The following DGKB variants were observed in gnomAD, a reference collection of about 807,000 sequenced individuals.
DGKB encodes the protein diacylglycerol kinase beta.
Under a neutral mutation model 114.3 loss-of-function variants are expected in DGKB, and 67 were observed. The observed-to-expected ratio is 0.59, with a 90% CI of 0.48 to 0.72. The LOEUF (loss-of-function observed/expected upper bound fraction) is 0.72. Among genes scored for constraint, DGKB ranks in the 30% least tolerant of loss-of-function variants. The pLI, the probability that DGKB is intolerant of heterozygous loss-of-function variation, is 0.00. For synonymous variants in DGKB, 398 were observed against 323.1 expected (o/e 1.23, Z -2.49); for missense variants, 907 against 975.2 (o/e 0.93, Z 0.93).
At chr7:14,275,608 C>T (rs866047563) in intron 23 of DGKB, among the ~76,000 whole-genome samples, 1 of 152,174 alleles carries the variant, frequency 6.6e-6, no homozygotes, top group Non-Finnish European at 1.5e-5. Flanking sequence ...TCTCTGCTCG[C>T]TAGAAAGGCC....
At position 14,807,271 on chromosome 7, in the gene DGKB, G is replaced by A. The variant is rs189154663; in HGVS notation, c.70+33923C>T. Among the ~76,000 whole-genome samples, 51 of 151,834 alleles carry A rather than the reference G, an allele frequency of 3.4e-4. No homozygotes were observed. In the East Asian group the frequency reaches 6.6e-3, roughly 20 times the overall value. ...CTCTGTTTCACCTACTATATTTTAG[G>A]TTTCTTGAGAACTGAGATGATTTCT... On this transcript the variant is annotated intron_variant, in intron 2 of 25. Transcript: ENST00000402815.
At chr7:14,351,801 A>G (rs6971911) in intron 21 of DGKB, among the ~76,000 whole-genome samples, 60,476 of 152,058 alleles carry the variant, frequency 0.4, 12,302 homozygotes, top group African/African-American at 0.48. Flanking sequence ...TGAACACATT[A>G]GTGGTGGAAG....
chr7:14,938,678 A>G (rs1426781735), intron 1 of DGKB, among the ~76,000 whole-genome samples: 2 of 152,098 alleles, frequency 1.3e-5, no homozygotes, highest in Non-Finnish European at 2.9e-5. Flanking sequence ...TCCAAAGGAA[A>G]AATAGTTCGC....
Position 14,147,962 on chromosome 7 carries a change from T to A in DGKB, c.*1169A>T, listed in dbSNP as rs1301495767. 6.6e-6 allele frequency: 1 copy of A among 152,090 alleles called. No individual in the cohort carries two copies. Among genetic ancestry groups the A allele is most frequent in the Non-Finnish European group, 1.5e-5 (1 of 67,982 alleles). The allele number at this position is 152,090 out of a possible 1,614,324, so 9.4% of individuals were successfully genotyped here. On this transcript the variant is annotated 3_prime_UTR_variant, in exon 26 of 26. Coordinates refer to ENST00000402815, the MANE Select transcript of DGKB (RefSeq NM_001350709.2). ...AGTAGGTGAGGAGGAGGGAGCTAAT[T>A]GCATGCATGATTCGCTTCCAAGAGC...
Position 14,410,518 on chromosome 7 carries a change from G to T in DGKB, c.1836-65127C>A, listed in dbSNP as rs538144899. 6.6e-5 allele frequency among the ~76,000 whole-genome samples: 10 copies of T among 151,980 alleles called. No homozygotes were observed. The East Asian group carries it at 1.9e-3, about 29-fold the overall frequency. ...ATATTTCCAAGCACATTTCTTTCAA[G>T]AATTATTTAACATTTATCCATTGTT... On this transcript the variant is annotated intron_variant, in intron 21 of 25. Transcript: ENST00000402815.
At chr7:14,164,600 C>T (rs56101932) in intron 25 of DGKB, among the ~76,000 whole-genome samples, 16,584 of 152,150 alleles carry the variant, frequency 0.11, 1,793 homozygotes, top group African/African-American at 0.28. Flanking sequence ...GAAAGTTAAA[C>T]ATTATGATAA....
At chr7:14,950,114 A>G (rs1235255615) in intron 1 of DGKB, among the ~76,000 whole-genome samples, 6 of 150,760 alleles carry the variant, frequency 4.0e-5, no homozygotes, top group East Asian at 2.0e-4. Flanking sequence ...ATAAAAAAAA[A>G]GAAAAAAAAT....
intron 1 of DGKB, among the ~76,000 whole-genome samples, chr7:14,917,369 A>C (rs557484099): frequency 6.6e-6 from 1 of 152,206 alleles, no homozygotes; most frequent in Non-Finnish European, 1.5e-5. Context: ...AAAATTAGTG[A>C]ACTTCTAGCC....
rs182004954 is a variant in DGKB, at chr7:14,146,125, T to C, written c.*3006A>G. 262 of 152,340 alleles carry C rather than the reference T, an allele frequency of 1.7e-3. 2 individuals carry two copies. The highest frequency in any genetic ancestry group is 6.1e-3 in the African/African-American group (253 of 41,570). 9.4% of individuals were successfully genotyped at this position (152,340 alleles called of 1,614,324 possible). On this transcript the variant is annotated 3_prime_UTR_variant, in exon 26 of 26. Transcript: ENST00000402815. ...TAATTTTTAAACTTCCTGCAAGATA[T>C]CTCCTTCCACCACAATAAATTGATC...
intron 2 of DGKB, among the ~76,000 whole-genome samples, chr7:14,779,756 A>C (rs1838789056): frequency 6.6e-6 from 1 of 152,190 alleles, no homozygotes; most frequent in African/African-American, 2.4e-5. Flanking sequence ...AGAGAGATTC[A>C]AAATTTTACT....
chr7:14,720,853 A>G (rs1246713138), intron 5 of DGKB, among the ~76,000 whole-genome samples: 1 of 151,754 alleles, frequency 6.6e-6, no homozygotes, highest in African/African-American at 2.4e-5. Flanking sequence ...GAGCTTTAAA[A>G]AAAAAAAAAA....
intron 12 of DGKB, among the ~76,000 whole-genome samples, chr7:14,676,244 G>A (rs1819835440): frequency 6.6e-6 from 1 of 150,728 alleles, no homozygotes; most frequent in African/African-American, 2.5e-5. Context: ...GAACATTCAT[G>A]TGGGGAAAAT....
chr7:14,507,547 A>G (rs1584459015), intron 20 of DGKB, among the ~76,000 whole-genome samples: 1 of 152,312 alleles, frequency 6.6e-6, no homozygotes, highest in African/African-American at 2.4e-5. Context: ...CTTTGCACAG[A>G]AAATTTCACA....
chr7:14,371,065 A>G (rs957268759), intron 21 of DGKB, among the ~76,000 whole-genome samples: 1 of 152,124 alleles, frequency 6.6e-6, no homozygotes, highest in Admixed American at 6.6e-5. Flanking sequence ...GATCCAATCC[A>G]CCACAGATGG....
chr7:14,586,648 C>G (rs745476891), intron 17 of DGKB, among the ~76,000 whole-genome samples: 9 of 152,080 alleles, frequency 5.9e-5, no homozygotes, highest in Non-Finnish European at 1.2e-4. Flanking sequence ...AACAGGCTGA[C>G]TCTCCTGTTA....
intron 13 of DGKB, among the ~76,000 whole-genome samples, chr7:14,662,290 T>G (rs1479780985): frequency 6.6e-6 from 1 of 151,878 alleles, no homozygotes; most frequent in Non-Finnish European, 1.5e-5. Context: ...AAAAGTGAGA[T>G]AAATAATCAT....
At chr7:14,318,538 G>T (rs550283488) in intron 23 of DGKB, among the ~76,000 whole-genome samples, 1 of 152,178 alleles carries the variant, frequency 6.6e-6, no homozygotes, top group African/African-American at 2.4e-5. Flanking sequence ...ATGAAAAAAT[G>T]CTCACCATCA....
chr7:14,468,866 A>G (rs934431066), intron 21 of DGKB, among the ~76,000 whole-genome samples: 1 of 152,064 alleles, frequency 6.6e-6, no homozygotes, highest in African/African-American at 2.4e-5. Flanking sequence ...GTGTGTGTAT[A>G]TAAAATTTTT....
chr7:14,368,667 C>T lies in DGKB; in HGVS notation c.1836-23276G>A, dbSNP rs1319592. Among the ~76,000 whole-genome samples, 5 of 151,604 alleles carry T rather than the reference C, an allele frequency of 3.3e-5. No homozygotes were observed. The East Asian group carries it at 7.8e-4, about 24-fold the overall frequency. On this transcript the variant is annotated intron_variant, in intron 21 of 25. Coordinates refer to ENST00000402815, the MANE Select transcript of DGKB (RefSeq NM_001350709.2). ...AAAAGAGGTAACACAGAAAACACTA[C>T]GACAAAGTTACTGAATACATGTGGG...
Sources: gnomAD v4.1 joint callset for allele counts (sites outside exome capture counted in the v4.1 genomes callset) on GRCh38, gnomAD v4.1.1 for gene constraint, MANE v1.5 for transcripts, NCBI Gene and HGNC (gene_info 2026-07-23, HGNC 2026-07-21) for gene names.